Variants in MYH2 observed in about 807,000 individuals in gnomAD.
MYH2 encodes myosin heavy chain 2.
In MYH2, 139 loss-of-function variants were observed where a neutral mutation model predicts 228.1. The ratio of observed to expected loss-of-function variants is 0.61; its 90% CI spans 0.53 to 0.70. MYH2 has a LOEUF of 0.70. MYH2 is among the 30% of genes least tolerant of loss of function. The pLI is 0.00. For missense variants in MYH2, 1,809 were observed against 2,357.5 expected (o/e 0.77, Z 4.82); for synonymous variants, 796 against 871.1 (o/e 0.91, Z 1.52).
At chr17:10,534,919 A>G (rs2073465534) in intron 19 of MYH2, 154 bp downstream of exon 19, 1 of 983,512 alleles carries the variant, frequency 1.0e-6, no homozygotes. Flanking sequence ...TTTGTCTCAA[A>G]ACAAAAGTGT....
chr17:10,533,333 C>T lies in MYH2; in HGVS notation c.2393G>A (p.Cys798Tyr), dbSNP rs2073446332. 1 of 1,614,232 alleles carries T rather than the reference C, an allele frequency of 6.2e-7. No homozygotes were observed. The highest frequency in any genetic ancestry group is 1.7e-5 in the Admixed American group (1 of 60,028). Reference sequence around the variant, plus strand: ...CTCCACTCTTGCCAAGAACCCTCTGCACCTGGCCTGGGTTCGGGTAATCAG... The same window carrying T: ...CTCCACTCTTGCCAAGAACCCTCTGTACCTGGCCTGGGTTCGGGTAATCAG... ...AQLITRTQAR[C>Y]RGFLARVEYQ... The change falls in exon 21 of 40, where the codon TGC (cysteine) becomes TAC (tyrosine). Residue 798 changes from cysteine (C) to tyrosine (Y), a missense_variant. Cys to Tyr is a radical substitution (Grantham distance 194). Around this residue, in one of 9 missense-constraint regions of MYH2, gnomAD observed 276 missense variants for 344.2 expected, o/e 0.80. Transcript: ENST00000245503.
intron 2 of MYH2, among the ~76,000 whole-genome samples, chr17:10,549,124 C>G (rs2073670015): frequency 6.6e-6 from 1 of 151,810 alleles, no homozygotes; most frequent in South Asian, 2.1e-4. Context: ...CTCTTTTTTT[C>G]CTGCACAGAC....
In MYH2 at chr17:10,539,577, G is replaced by T. The variant is rs1207368114; in HGVS notation, c.1148-15C>A. 2 of 1,600,690 alleles carry T rather than the reference G, an allele frequency of 1.2e-6. No individual in the cohort carries two copies. Among genetic ancestry groups the T allele is most frequent in the East Asian group, 4.5e-5 (2 of 44,776 alleles). ...CTTGTCAGCAACTAAAAAGAAGAAA[G>T]AGTAGAACAATGTTATTGTGGCCCA... On this transcript the variant is annotated splice_polypyrimidine_tract_variant and intron_variant, in intron 12 of 39. Transcript: ENST00000245503.
chr17:10,543,170 A>G lies in MYH2; in HGVS notation c.742-9T>C. ...ATTCTGATGAATTTACCCTTGAAAT[A>G]AAAGCTAATATTACTACCTTTTTTT... is the stretch of plus-strand genomic sequence containing the variant. On this transcript the variant is annotated splice_polypyrimidine_tract_variant and intron_variant, in intron 8 of 39. Coordinates refer to ENST00000245503, the MANE Select transcript of MYH2 (RefSeq NM_017534.6). The G allele has an allele frequency of 6.3e-7, 1 of 1,597,406 alleles. No individual in the cohort carries two copies. The highest frequency in any genetic ancestry group is 8.6e-7 in the Non-Finnish European group (1 of 1,167,240).
At chr17:10,538,537 C>T (rs538140616) in intron 14 of MYH2, among the ~76,000 whole-genome samples, 10 of 151,014 alleles carry the variant, frequency 6.6e-5, no homozygotes, top group South Asian at 4.2e-4. Flanking sequence ...CCCAGCTATT[C>T]GGGAGGCTGA....
intron 39 of MYH2, among the ~76,000 whole-genome samples, chr17:10,522,708 T>C (rs1567726266): frequency 6.6e-6 from 1 of 152,246 alleles, no homozygotes; most frequent in Admixed American, 6.5e-5. Flanking sequence ...TGATTTTACT[T>C]ATAATTAATA....
At chr17:10,529,292 T>C (rs1469281960) in intron 25 of MYH2, 40 bp from the exon 26 acceptor site, 1 of 1,614,078 alleles carries the variant, frequency 6.2e-7, no homozygotes, top group East Asian at 2.2e-5. Flanking sequence ...TTAGTCCGTA[T>C]CTAATGTTGG....
At position 10,531,774 on chromosome 17, in the gene MYH2, C is replaced by T. The variant is rs752804274; in HGVS notation, c.2556G>A (p.Glu852=). ...IKPLLKSAET[E]KEMATMKEEF... Reference sequence around the variant, plus strand: ...CTTCCTTCATGGTGGCCATCTCCTTCTCAGTTTCTGCACTCTTCAACAGAG... The same window carrying T: ...CTTCCTTCATGGTGGCCATCTCCTTTTCAGTTTCTGCACTCTTCAACAGAG... Residue 852 remains glutamate (E), a synonymous_variant, in exon 22 of 40, where the codon GAG becomes GAA. Transcript: ENST00000245503. The T allele has an allele frequency of 6.2e-7, 1 of 1,614,212 alleles. No homozygotes were observed. The highest frequency in any genetic ancestry group is 1.1e-5 in the South Asian group (1 of 91,084).
At chr17:10,535,018 C>A (rs936701192) in intron 19 of MYH2, 55 bp downstream of exon 19, 3 of 1,573,144 alleles carry the variant, frequency 1.9e-6, no homozygotes, top group African/African-American at 1.4e-5. Context: ...GTTTTGCTTG[C>A]ATTAAACTTG....
At position 10,539,339 on chromosome 17, in the gene MYH2, C is replaced by G; in HGVS notation, c.1282G>C (p.Gly428Arg). 1 of 1,614,186 alleles carries G rather than the reference C, an allele frequency of 6.2e-7. No individual in the cohort carries two copies. The highest frequency in any genetic ancestry group is 8.5e-7 in the Non-Finnish European group (1 of 1,180,034). The change falls in exon 14 of 40, where the codon GGT (glycine) becomes CGT (arginine). Residue 428 changes from glycine to arginine, a missense_variant. Coordinates refer to ENST00000245503, the MANE Select transcript of MYH2 (RefSeq NM_017534.6). ...QTVEQVSNAV[G>R]ALAKAVYEKM... ...TCGTAGACGGCTTTGGCCAGAGCAC[C>G]TACTGCGTTGGACACCTTAAAAGAC...
chr17:10,526,537 T>C, intron 30 of MYH2, 62 bp downstream of exon 30: 1 of 1,604,600 alleles, frequency 6.2e-7, no homozygotes, highest in Non-Finnish European at 8.5e-7. Flanking sequence ...TCTTCAAAGG[T>C]CATGTCTTTC....
intron 17 of MYH2, among the ~76,000 whole-genome samples, chr17:10,536,236 T>C (rs902507226): frequency 6.6e-6 from 1 of 152,120 alleles, no homozygotes; most frequent in Non-Finnish European, 1.5e-5. Flanking sequence ...TGGTGATGGG[T>C]GCACCAAAAT....
chr17:10,540,176 C>G, intron 11 of MYH2, 110 bp from the exon 12 acceptor site: 2 of 1,444,272 alleles, frequency 1.4e-6, no homozygotes, highest in Admixed American at 1.7e-5. Flanking sequence ...TAATGGGAGA[C>G]AAGGAACCCC....
chr17:10,543,246 T>TAAATCAATGATG, intron 8 of MYH2, 85 bp from the exon 9 acceptor site: 1 of 1,010,588 alleles, frequency 9.9e-7, no homozygotes, highest in South Asian at 1.5e-5. Flanking sequence ...GCTGGTACTT[T>TAAATCAATGATG]AATATTAAAT....
chr17:10,533,471 G>T (rs773367819), intron 20 of MYH2, 38 bp downstream of exon 20: 9 of 1,614,128 alleles, frequency 5.6e-6, no homozygotes, highest in Non-Finnish European at 7.6e-6. Context: ...AGTTCAAAGG[G>T]ACAGGAATAG....
rs191423599 is a variant in MYH2, at chr17:10,530,134, A to G, written c.2698-60T>C. 2.4e-5 allele frequency: 38 copies of G among 1,611,484 alleles called. 1 individual carries two copies. In the African/African-American group the frequency reaches 2.8e-4, roughly 12 times the overall value. On this transcript the variant is annotated intron_variant, in intron 22 of 39. Coordinates refer to ENST00000245503, the MANE Select transcript of MYH2 (RefSeq NM_017534.6). The stretch of plus-strand genomic sequence containing the variant: ...AGAATGAAATACTTCACAATGGATA[A>G]GAGTGTATGTTTCTGCATTTGATCT...
chr17:10,538,534 A>C (rs1012924271), intron 14 of MYH2, among the ~76,000 whole-genome samples: 1 of 151,602 alleles, frequency 6.6e-6, no homozygotes, highest in Non-Finnish European at 1.5e-5. Flanking sequence ...AGTCCCAGCT[A>C]TTCGGGAGGC....
At chr17:10,530,642 G>A (rs1438241889) in intron 22 of MYH2, among the ~76,000 whole-genome samples, 2 of 152,080 alleles carry the variant, frequency 1.3e-5, no homozygotes, top group Non-Finnish European at 1.5e-5. Flanking sequence ...TTCCAATTAA[G>A]GGGGACAGGG....
At position 10,527,979 on chromosome 17, in the gene MYH2, A is replaced by G. The variant is rs940887439; in HGVS notation, c.3745-105T>C. 9.6e-6 allele frequency: 13 copies of G among 1,352,720 alleles called. No individual in the cohort carries two copies. The African/African-American group carries it at 1.8e-4, about 18-fold the overall frequency. 83.8% of individuals were successfully genotyped at this position (1,352,720 alleles called of 1,614,324 possible). On this transcript the variant is annotated intron_variant, in intron 27 of 39. Coordinates refer to ENST00000245503, the MANE Select transcript of MYH2 (RefSeq NM_017534.6). ...CCCCAAAATAAAAAATACAATATTT[A>G]TCTTAATATAGAAAAGAAACCAAAT... is the stretch of plus-strand genomic sequence containing the variant.
Sources: allele counts gnomAD v4.1 joint callset (sites outside exome capture counted in the v4.1 genomes callset), GRCh38; gene constraint gnomAD v4.1.1; regional missense constraint gnomAD v4.1.1; transcripts MANE v1.5; gene names NCBI Gene and HGNC (gene_info 2026-07-23, HGNC 2026-07-21).